Variants in DLGAP2 observed in about 807,000 individuals in gnomAD.
DLGAP2 encodes the protein DLG associated protein 2.
In DLGAP2, 26 loss-of-function variants were observed where a neutral mutation model predicts 100.3. The observed-to-expected ratio is 0.26, with a 90% CI of 0.19 to 0.36. DLGAP2 has a LOEUF of 0.36. Among genes scored for constraint, DLGAP2 ranks in the 10% least tolerant of loss-of-function variants. The pLI is 1.00. For missense variants in DLGAP2, 1,858 were observed against 1,453.2 expected (o/e 1.28, Z -4.53); for synonymous variants, 886 against 630.1 (o/e 1.41, Z -6.08).
At chr8:1,254,210 C>T (rs1342561542) in intron 2 of DLGAP2, among the ~76,000 whole-genome samples, 1 of 152,182 alleles carries the variant, frequency 6.6e-6, no homozygotes, top group Non-Finnish European at 1.5e-5. Flanking sequence ...AAATCAGTGC[C>T]TCCCACAGGC....
In DLGAP2 at chr8:1,315,313, A is replaced by G. The variant is rs144998750; in HGVS notation, c.106+56430A>G. 3.8e-4 allele frequency among the ~76,000 whole-genome samples: 57 copies of G among 148,546 alleles called. 3 individuals carry two copies. The highest frequency in any genetic ancestry group is 7.4e-4 in the Non-Finnish European group (49 of 66,534). ...CCTGTGCGAGTGCAGCGTCTCTCCAACATTGGTCTACACTCGAGAAACTCG... is the reference window on the plus strand; with the variant it reads ...CCTGTGCGAGTGCAGCGTCTCTCCAGCATTGGTCTACACTCGAGAAACTCG... On this transcript the variant is annotated intron_variant, in intron 3 of 14. Coordinates refer to ENST00000637795, the MANE Select transcript of DLGAP2 (RefSeq NM_001346810.2).
intron 2 of DLGAP2, among the ~76,000 whole-genome samples, chr8:1,172,210 C>T (rs566318457): frequency 0.024 from 3,705 of 152,118 alleles, 181 homozygotes; most frequent in African/African-American, 0.085. Flanking sequence ...TGAATATTGG[C>T]CCCCACTCTC....
intron 4 of DLGAP2, among the ~76,000 whole-genome samples, chr8:1,513,863 G>A (rs1002779410): frequency 1.0e-4 from 9 of 87,636 alleles, no homozygotes; most frequent in Non-Finnish European, 2.1e-4. Context: ...AATGGCGGTC[G>A]AACCTCAGAC....
At chr8:1,194,010 C>G (rs145589093) in intron 2 of DLGAP2, among the ~76,000 whole-genome samples, 1 of 152,258 alleles carries the variant, frequency 6.6e-6, no homozygotes, top group East Asian at 1.9e-4. Flanking sequence ...TGAAATTTCT[C>G]CTTGGCATTA....
intron 8 of DLGAP2, among the ~76,000 whole-genome samples, chr8:1,664,658 A>G (rs1275964045): frequency 6.6e-6 from 1 of 152,218 alleles, no homozygotes; most frequent in African/African-American, 2.4e-5. Context: ...GGTAACAGCA[A>G]CCATATGGAC....
At chr8:1,426,902 A>T (rs1797252557) in intron 3 of DLGAP2, among the ~76,000 whole-genome samples, 1 of 152,200 alleles carries the variant, frequency 6.6e-6, no homozygotes, top group Admixed American at 6.5e-5. Flanking sequence ...AAGGGGAAAA[A>T]AATAACAACA....
intron 1 of DLGAP2, among the ~76,000 whole-genome samples, chr8:906,336 T>G (rs959674424): frequency 2.6e-5 from 4 of 152,182 alleles, no homozygotes; most frequent in African/African-American, 9.7e-5. Flanking sequence ...GATCTCCACG[T>G]GGGGTGTGGA....
intron 1 of DLGAP2, among the ~76,000 whole-genome samples, chr8:795,263 G>A (rs1043732406): frequency 6.6e-6 from 1 of 152,174 alleles, no homozygotes; most frequent in African/African-American, 2.4e-5. Context: ...TTTTATTTGT[G>A]TTTCTGCTTA....
At chr8:1,241,539 C>A (rs1798796752) in intron 2 of DLGAP2, among the ~76,000 whole-genome samples, 1 of 152,372 alleles carries the variant, frequency 6.6e-6, no homozygotes, top group East Asian at 1.9e-4. Flanking sequence ...GGAAGCAGAA[C>A]ATGTTTCCCA....
At chr8:1,526,081 C>T (rs1024008225) in intron 4 of DLGAP2, among the ~76,000 whole-genome samples, 2 of 151,512 alleles carry the variant, frequency 1.3e-5, no homozygotes, top group African/African-American at 4.9e-5. Flanking sequence ...GTCACCGTGG[C>T]AGCCAGTAAG....
intron 3 of DLGAP2, among the ~76,000 whole-genome samples, chr8:1,420,165 C>G (rs1193464863): frequency 6.6e-6 from 1 of 152,150 alleles, no homozygotes; most frequent in African/African-American, 2.4e-5. Flanking sequence ...AAGGCTAGTT[C>G]CCTGAGGACT....
chr8:1,172,154 G>T (rs538630840), intron 2 of DLGAP2, among the ~76,000 whole-genome samples: 94 of 151,444 alleles, frequency 6.2e-4, no homozygotes, highest in Non-Finnish European at 1.1e-3. Flanking sequence ...GCTTAGTTTG[G>T]CTGGATATGA....
intron 2 of DLGAP2, among the ~76,000 whole-genome samples, chr8:1,133,822 A>G (rs1158394643): frequency 1.3e-5 from 2 of 152,182 alleles, no homozygotes; most frequent in Non-Finnish European, 2.9e-5. Flanking sequence ...TTATACAATC[A>G]TAAAATCCGT....
At chr8:1,178,629 C>G (rs1056070627) in intron 2 of DLGAP2, among the ~76,000 whole-genome samples, 2 of 152,066 alleles carry the variant, frequency 1.3e-5, no homozygotes, top group Non-Finnish European at 2.9e-5. Context: ...TGCCCAGATT[C>G]TGAAGTATAA....
chr8:1,606,581 T>G (rs1796807626), intron 6 of DLGAP2, among the ~76,000 whole-genome samples: 1 of 152,230 alleles, frequency 6.6e-6, no homozygotes, highest in Non-Finnish European at 1.5e-5. Flanking sequence ...GGAAGCATAT[T>G]CCATTGTATG....
chr8:834,357 T>C (rs1322601124), intron 1 of DLGAP2, among the ~76,000 whole-genome samples: 7 of 152,208 alleles, frequency 4.6e-5, no homozygotes, highest in Non-Finnish European at 1.0e-4. Flanking sequence ...AAAGACAAGC[T>C]GAGAAGTTTA....
chr8:853,480 C>A (rs1465080943), intron 1 of DLGAP2, among the ~76,000 whole-genome samples: 1 of 152,220 alleles, frequency 6.6e-6, no homozygotes, highest in South Asian at 2.1e-4. Flanking sequence ...GGCTTAGGTA[C>A]AGGATGCCCC....
chr8:990,053 A>C (rs1033984979), intron 2 of DLGAP2, among the ~76,000 whole-genome samples: 1 of 152,112 alleles, frequency 6.6e-6, no homozygotes, highest in Non-Finnish European at 1.5e-5. Flanking sequence ...GCTTCATTAC[A>C]GATCACTGCT....
At chr8:1,553,342 C>T (rs1225527056) in intron 5 of DLGAP2, among the ~76,000 whole-genome samples, 1 of 152,242 alleles carries the variant, frequency 6.6e-6, no homozygotes, top group Non-Finnish European at 1.5e-5. Flanking sequence ...TCGGACCCTA[C>T]TCTTTATTTG....
Sources: gnomAD v4.1 joint callset for allele counts (sites outside exome capture counted in the v4.1 genomes callset) on GRCh38, gnomAD v4.1.1 for gene constraint, MANE v1.5 for transcripts, NCBI Gene and HGNC (gene_info 2026-07-23, HGNC 2026-07-21) for gene names.